CAMKMT: variants seen among roughly 807,000 people sequenced by gnomAD.
CAMKMT encodes calmodulin-lysine N-methyltransferase.
CAMKMT carries 53 observed loss-of-function variants against 48.0 expected under a neutral mutation model. The ratio of observed to expected loss-of-function variants is 1.10; its 90% CI spans 0.89 to 1.39. The LOEUF (loss-of-function observed/expected upper bound fraction) is 1.39. CAMKMT is among the 40% of genes most tolerant of loss of function. The pLI, the probability that CAMKMT is intolerant of heterozygous loss-of-function variation, is 0.00. For synonymous variants in CAMKMT, 165 were observed against 152.3 expected (o/e 1.08, Z -0.61); for missense variants, 428 against 402.7 (o/e 1.06, Z -0.54).
At chr2:44,641,959 G>T (rs143661551) in intron 3 of CAMKMT, among the ~76,000 whole-genome samples, 25 of 152,276 alleles carry the variant, frequency 1.6e-4, no homozygotes, top group African/African-American at 3.9e-4. Flanking sequence ...CATCTACTGA[G>T]CTGTCTTCAC....
chr2:44,544,482 T>G (rs1216555489), intron 3 of CAMKMT, among the ~76,000 whole-genome samples: 2 of 152,218 alleles, frequency 1.3e-5, no homozygotes, highest in African/African-American at 4.8e-5. Flanking sequence ...TTTCTCTTGC[T>G]GTTTAGTCAA....
At chr2:44,522,331 T>G (rs1671162433) in intron 3 of CAMKMT, among the ~76,000 whole-genome samples, 1 of 152,144 alleles carries the variant, frequency 6.6e-6, no homozygotes, top group African/African-American at 2.4e-5. Context: ...ATTCTATCTG[T>G]CTCTTTCTGT....
chr2:44,754,755 TG>T (rs1444459079), intron 9 of CAMKMT, among the ~76,000 whole-genome samples: 1 of 152,160 alleles, frequency 6.6e-6, no homozygotes, highest in Admixed American at 6.5e-5. Context: ...CTTATTTTGT[TG>T]GACTGTTAAA....
intron 3 of CAMKMT, among the ~76,000 whole-genome samples, chr2:44,673,716 AG>A (rs1440302126): frequency 6.6e-6 from 1 of 152,184 alleles, no homozygotes; most frequent in Non-Finnish European, 1.5e-5. Context: ...CGTTAAGGAA[AG>A]GGGGAAGAAG....
At chr2:44,388,105 C>G (rs772225723) in intron 2 of CAMKMT, among the ~76,000 whole-genome samples, 10 of 152,132 alleles carry the variant, frequency 6.6e-5, no homozygotes, top group South Asian at 2.1e-4. Flanking sequence ...ATTATTCCCC[C>G]AAATATGTTT....
At chr2:44,514,296 T>G (rs7605556) in intron 3 of CAMKMT, among the ~76,000 whole-genome samples, 68,764 of 151,794 alleles carry the variant, frequency 0.45, 18,014 homozygotes, top group Non-Finnish European at 0.6. Flanking sequence ...CCAGATGATG[T>G]AGGAAAAATA....
chr2:44,680,299 A>T (rs1043030441), intron 3 of CAMKMT, among the ~76,000 whole-genome samples: 11 of 152,118 alleles, frequency 7.2e-5, no homozygotes, highest in Non-Finnish European at 1.5e-4. Context: ...CATGGCTATT[A>T]TTTTCCCTTT....
chr2:44,605,970 TAAAG>T (rs1308502093), intron 3 of CAMKMT, among the ~76,000 whole-genome samples: 2 of 152,148 alleles, frequency 1.3e-5, no homozygotes, highest in South Asian at 2.1e-4. Context: ...AGAAAAATAC[TAAAG>T]AAAGTAAGAA....
At chr2:44,613,552 A>C (rs1042137922) in intron 3 of CAMKMT, among the ~76,000 whole-genome samples, 4 of 152,210 alleles carry the variant, frequency 2.6e-5, no homozygotes, top group Admixed American at 2.6e-4. Flanking sequence ...TGTTTAACTC[A>C]TCAGGAAATA....
rs137875788 is a variant in CAMKMT, at chr2:44,726,780, G to A, written c.623+11427G>A. ...TACATTTAAAACCGTAATCCATTTT[G>A]ATTTAATTTTTGTATATGGCAATAG... On this transcript the variant is annotated intron_variant, in intron 7 of 10. Transcript: ENST00000378494. 7.7e-3 allele frequency among the ~76,000 whole-genome samples: 1,177 copies of A among 152,248 alleles called. 20 individuals are homozygous for A. Among genetic ancestry groups the A allele is most frequent in the African/African-American group, 0.027 (1,112 of 41,550 alleles).
intron 3 of CAMKMT, among the ~76,000 whole-genome samples, chr2:44,401,863 T>C (rs2104448677): frequency 6.6e-6 from 1 of 152,336 alleles, no homozygotes; most frequent in African/African-American, 2.4e-5. Flanking sequence ...CTTCCCTCAC[T>C]ATCATCTTGA....
At chr2:44,408,025 C>CTTT (rs58443811) in intron 3 of CAMKMT, among the ~76,000 whole-genome samples, 5,534 of 105,144 alleles carry the variant, frequency 0.053, 453 homozygotes, top group African/African-American at 0.19. Flanking sequence ...TAGAGCATGT[C>CTTT]TTTTTTTTTT....
intron 3 of CAMKMT, among the ~76,000 whole-genome samples, chr2:44,622,367 G>A (rs907044380): frequency 1.3e-5 from 2 of 151,784 alleles, no homozygotes; most frequent in Non-Finnish European, 2.9e-5. Context: ...TTAGATTCTG[G>A]GGAGTATATG....
At chr2:44,680,276 T>C (rs918171588) in intron 3 of CAMKMT, among the ~76,000 whole-genome samples, 1 of 152,220 alleles carries the variant, frequency 6.6e-6, no homozygotes, top group Admixed American at 6.5e-5. Context: ...AGGTCAGTGC[T>C]AGCCATGGCA....
intron 3 of CAMKMT, among the ~76,000 whole-genome samples, chr2:44,463,231 A>G (rs57039432): frequency 0.034 from 5,117 of 152,324 alleles, 296 homozygotes; most frequent in African/African-American, 0.12. Flanking sequence ...CAAGAATAGG[A>G]AGCCCTAGAC....
chr2:44,494,962 C>G (rs1278357965), intron 3 of CAMKMT, among the ~76,000 whole-genome samples: 1 of 152,034 alleles, frequency 6.6e-6, no homozygotes, highest in Non-Finnish European at 1.5e-5. Flanking sequence ...GTTTTTTCAT[C>G]CATCTCACAC....
At chr2:44,396,974 G>T (rs1424069414) in intron 3 of CAMKMT, among the ~76,000 whole-genome samples, 2 of 150,394 alleles carry the variant, frequency 1.3e-5, no homozygotes, top group African/African-American at 4.9e-5. Context: ...CAGTAGAATC[G>T]CTTGAACCCA....
intron 3 of CAMKMT, among the ~76,000 whole-genome samples, chr2:44,541,621 A>C (rs1667109978): frequency 1.3e-5 from 2 of 152,042 alleles, no homozygotes. Flanking sequence ...AAATACAAAA[A>C]TTAGCTGCGC....
At chr2:44,489,163 G>T (rs921232697) in intron 3 of CAMKMT, among the ~76,000 whole-genome samples, 4 of 151,446 alleles carry the variant, frequency 2.6e-5, no homozygotes, top group African/African-American at 9.7e-5. Context: ...ACCCACCAAC[G>T]CTGGACTTTT....
Sources: gnomAD v4.1 joint callset for allele counts (sites outside exome capture counted in the v4.1 genomes callset) on GRCh38, gnomAD v4.1.1 for gene constraint, MANE v1.5 for transcripts, NCBI Gene and HGNC (gene_info 2026-07-23, HGNC 2026-07-21) for gene names.